The following PTPRD variants were observed in gnomAD, a reference collection of about 807,000 sequenced individuals.
PTPRD encodes receptor-type tyrosine-protein phosphatase delta.
PTPRD carries 34 observed loss-of-function variants against 214.5 expected under a neutral mutation model. That is an observed-to-expected ratio of 0.16 (90% CI 0.12 to 0.21). The LOEUF (loss-of-function observed/expected upper bound fraction) is 0.21. PTPRD is among the 10% of genes least tolerant of loss of function. PTPRD has a pLI of 1.00. For missense variants in PTPRD, 2,545 were observed against 2,398.7 expected (o/e 1.06, Z -1.27); for synonymous variants, 1,128 against 845.7 (o/e 1.33, Z -5.79).
chr9:8,696,533 G>C (rs1292376785), intron 12 of PTPRD, among the ~76,000 whole-genome samples: 2 of 152,164 alleles, frequency 1.3e-5, no homozygotes, highest in East Asian at 3.9e-4. Context: ...AGGAAGTAGA[G>C]GAGAGAGGTC....
intron 5 of PTPRD, among the ~76,000 whole-genome samples, chr9:9,914,226 G>C (rs1313368100): frequency 2.0e-5 from 3 of 152,168 alleles, no homozygotes; most frequent in Non-Finnish European, 2.9e-5. Context: ...TTCAGGGTCT[G>C]AGAAACAGCC....
At chr9:8,419,034 C>G (rs1166374155) in intron 35 of PTPRD, among the ~76,000 whole-genome samples, 1 of 151,780 alleles carries the variant, frequency 6.6e-6, no homozygotes, top group Non-Finnish European at 1.5e-5. Context: ...GCCTCAGCAA[C>G]ATAGTGAGAC....
intron 4 of PTPRD, among the ~76,000 whole-genome samples, chr9:10,009,287 A>G (rs1217181396): frequency 6.6e-6 from 1 of 151,836 alleles, no homozygotes. Flanking sequence ...TACAGTCTCA[A>G]GAGGTTCTGA....
intron 45 of PTPRD, among the ~76,000 whole-genome samples, chr9:8,318,761 G>A (rs930120660): frequency 4.6e-5 from 7 of 152,016 alleles, no homozygotes; most frequent in African/African-American, 1.7e-4. Flanking sequence ...GCCTTTTTCA[G>A]ACAACGAAGA....
chr9:9,921,849 A>C (rs1447838109), intron 5 of PTPRD, among the ~76,000 whole-genome samples: 2 of 152,238 alleles, frequency 1.3e-5, no homozygotes, highest in East Asian at 3.9e-4. Context: ...TTTAGCAACC[A>C]TAACATTCCT....
At chr9:9,695,627 A>G (rs377452678) in intron 7 of PTPRD, among the ~76,000 whole-genome samples, 2 of 152,106 alleles carry the variant, frequency 1.3e-5, no homozygotes, top group South Asian at 2.1e-4. Flanking sequence ...GTTAATTTTT[A>G]TCTAATGCTT....
Position 8,588,473 on chromosome 9 carries a change from GT to G in PTPRD, c.352+44843del, listed in dbSNP as rs549392994. 3.5e-3 allele frequency among the ~76,000 whole-genome samples: 529 copies of G among 151,996 alleles called. 3 individuals carry two copies. Among genetic ancestry groups the G allele is most frequent in the Non-Finnish European group, 5.6e-3 (381 of 67,952 alleles). ...CACAACAGTGGATAGGGAATGAACT[GT>G]TTTTTTTAAACCACAATTCTTTTTG... On this transcript the variant is annotated intron_variant, in intron 14 of 45. Coordinates refer to ENST00000381196, the MANE Select transcript of PTPRD (RefSeq NM_002839.4).
intron 3 of PTPRD, among the ~76,000 whole-genome samples, chr9:10,065,858 A>G (rs1158425993): frequency 2.6e-5 from 4 of 152,054 alleles, no homozygotes; most frequent in African/African-American, 9.6e-5. Context: ...GTGGGCTGAG[A>G]CAACTGGTGT....
Position 8,953,241 on chromosome 9 carries a change from G to A in PTPRD, c.-104+65456C>T, listed in dbSNP as rs2099113084. Among the ~76,000 whole-genome samples the A allele has an allele frequency of 2.0e-5, 3 of 151,860 alleles. No homozygotes were observed. The Admixed American group carries it at 2.0e-4, about 10-fold the overall frequency. ...ATATCCCAGGAGAAGGGTCGCTACA[G>A]CTGAGAAATGAGAAATGCCCAGATA... On this transcript the variant is annotated intron_variant, in intron 11 of 45. Transcript: ENST00000381196.
intron 3 of PTPRD, among the ~76,000 whole-genome samples, chr9:10,172,172 T>A (rs2099212601): frequency 1.3e-5 from 2 of 152,114 alleles, no homozygotes; most frequent in African/African-American, 4.8e-5. Context: ...TAGTGGCAGA[T>A]TTTTGTTTAT....
At chr9:10,155,817 T>C (rs2154282040) in intron 3 of PTPRD, among the ~76,000 whole-genome samples, 1 of 152,196 alleles carries the variant, frequency 6.6e-6, no homozygotes, top group East Asian at 1.9e-4. Flanking sequence ...GTGGATAAGC[T>C]TTTTTAATGT....
At chr9:9,840,028 T>G (rs2057892211) in intron 5 of PTPRD, among the ~76,000 whole-genome samples, 1 of 151,958 alleles carries the variant, frequency 6.6e-6, no homozygotes, top group Non-Finnish European at 1.5e-5. Context: ...TATGGTTGGT[T>G]TTTATTATTA....
intron 11 of PTPRD, among the ~76,000 whole-genome samples, chr9:8,950,268 A>T (rs1234369705): frequency 6.6e-6 from 1 of 152,172 alleles, no homozygotes; most frequent in East Asian, 1.9e-4. Context: ...TGTAATTTAG[A>T]AATTATGCAT....
At chr9:9,073,208 A>G (rs934785480) in intron 10 of PTPRD, among the ~76,000 whole-genome samples, 2 of 152,202 alleles carry the variant, frequency 1.3e-5, no homozygotes, top group African/African-American at 4.8e-5. Flanking sequence ...AGATTTATTT[A>G]CTGTTCATTT....
intron 14 of PTPRD, among the ~76,000 whole-genome samples, chr9:8,536,033 T>G (rs1399714881): frequency 6.6e-6 from 1 of 151,854 alleles, no homozygotes; most frequent in Non-Finnish European, 1.5e-5. Flanking sequence ...TAGAGTTCCT[T>G]GAGGTAAATA....
chr9:10,383,071 G>C (rs1240209043), intron 2 of PTPRD, among the ~76,000 whole-genome samples: 10 of 151,792 alleles, frequency 6.6e-5, no homozygotes, highest in Non-Finnish European at 1.5e-5. Flanking sequence ...TTTTTAAATA[G>C]TCATACAAAG....
chr9:9,572,219 T>A (rs2086666513), intron 8 of PTPRD, among the ~76,000 whole-genome samples: 1 of 151,268 alleles, frequency 6.6e-6, no homozygotes, highest in Non-Finnish European at 1.5e-5. Flanking sequence ...GAAGGAAAAA[T>A]AAAGCCATTA....
intron 2 of PTPRD, among the ~76,000 whole-genome samples, chr9:10,535,635 G>A (rs1026246936): frequency 6.6e-6 from 1 of 151,972 alleles, no homozygotes; most frequent in African/African-American, 2.4e-5. Context: ...AAGCCACAAG[G>A]ATATTTCACA....
chr9:9,637,151 T>C (rs1262028208), intron 7 of PTPRD, among the ~76,000 whole-genome samples: 1 of 152,124 alleles, frequency 6.6e-6, no homozygotes, highest in Non-Finnish European at 1.5e-5. Context: ...TGGGGGACAT[T>C]GAGATCATAG....
Sources: allele counts gnomAD v4.1 joint callset (sites outside exome capture counted in the v4.1 genomes callset), GRCh38; gene constraint gnomAD v4.1.1; transcripts MANE v1.5; gene names NCBI Gene and HGNC (gene_info 2026-07-23, HGNC 2026-07-21).